CROT: variants seen among roughly 807,000 people sequenced by gnomAD.
CROT encodes peroxisomal carnitine O-octanoyltransferase.
In CROT, 84 loss-of-function variants were observed where a neutral mutation model predicts 89.2. The observed-to-expected ratio is 0.94, with a 90% CI of 0.79 to 1.13. The LOEUF (loss-of-function observed/expected upper bound fraction) is 1.13. Among genes scored for constraint, CROT ranks in the 50% most tolerant of loss-of-function variants. The pLI, the probability that CROT is intolerant of heterozygous loss-of-function variation, is 0.00. For missense variants in CROT, 711 were observed against 727.8 expected (o/e 0.98, Z 0.27); for synonymous variants, 212 against 239.5 (o/e 0.89, Z 1.06).
intron 2 of CROT, among the ~76,000 whole-genome samples, chr7:87,347,854 A>T (rs1805740246): frequency 6.6e-6 from 1 of 152,170 alleles, no homozygotes; most frequent in African/African-American, 2.4e-5. Context: ...GGGAGAACAC[A>T]TGCATTCCTT....
At chr7:87,392,692 A>C in intron 15 of CROT, 38 bp from the exon 16 acceptor site, 1 of 1,611,048 alleles carries the variant, frequency 6.2e-7, no homozygotes, top group Non-Finnish European at 8.5e-7. Context: ...CATGGTGAAA[A>C]ATTTTTTTCT....
At position 87,379,213 on chromosome 7, in the gene CROT, C is replaced by T. The variant is rs1256013871; in HGVS notation, c.978+1763C>T. 2.6e-5 allele frequency among the ~76,000 whole-genome samples: 4 copies of T among 152,174 alleles called. No homozygotes were observed. The South Asian group carries it at 6.2e-4, about 24-fold the overall frequency. On this transcript the variant is annotated intron_variant, in intron 10 of 17. Coordinates refer to ENST00000331536, the MANE Select transcript of CROT (RefSeq NM_021151.4). The stretch of plus-strand genomic sequence containing the variant: ...CTCTGCATACATATTTTGACACTGC[C>T]TCTTTCCTCTTAACAGTATTTTCCT...
intron 10 of CROT, among the ~76,000 whole-genome samples, chr7:87,378,346 CAAA>C (rs33929613): frequency 2.3e-5 from 3 of 132,880 alleles, no homozygotes; most frequent in Non-Finnish European, 1.6e-5. Flanking sequence ...ACTCCGACTC[CAAA>C]AAAAAAAAAA....
intron 17 of CROT, among the ~76,000 whole-genome samples, chr7:87,394,491 A>C (rs1313478721): frequency 6.6e-6 from 1 of 151,958 alleles, no homozygotes; most frequent in African/African-American, 2.4e-5. Context: ...AGTATCATAG[A>C]TTGAGATCTG....
In CROT at chr7:87,398,602, T is replaced by G. The variant is rs751014356; in HGVS notation, c.1797T>G (p.Ala599=). Residue 599 remains alanine (A), a synonymous_variant, in exon 18 of 18, where the codon GCT becomes GCG. Transcript: ENST00000331536. ...AEKLVQLTFC[A]FHDMIQLMNS... ...AGCTAGTTCAGCTGACTTTTTGTGC[T>G]TTTCATGATATGATACAGCTGATGA... 9.3e-6 allele frequency: 15 copies of G among 1,613,790 alleles called. No individual in the cohort carries two copies. Among genetic ancestry groups the G allele is most frequent in the South Asian group, 4.4e-5 (4 of 91,082 alleles).
intron 6 of CROT, among the ~76,000 whole-genome samples, chr7:87,368,091 C>T (rs955794592): frequency 4.6e-5 from 7 of 152,248 alleles, no homozygotes; most frequent in East Asian, 1.9e-4. Flanking sequence ...TTCTCTGTGC[C>T]GCAGCTGCAC....
chr7:87,391,799 T>C, intron 14 of CROT, 87 bp downstream of exon 14: 1 of 1,318,404 alleles, frequency 7.6e-7, no homozygotes, highest in East Asian at 2.6e-5. Context: ...CTTCTTTGCT[T>C]CAGTTTTCCT....
intron 7 of CROT, among the ~76,000 whole-genome samples, chr7:87,370,325 G>A (rs1806592294): frequency 6.6e-6 from 1 of 152,064 alleles, no homozygotes; most frequent in Non-Finnish European, 1.5e-5. Context: ...TAGGATTATA[G>A]GTGCGCACCA....
intron 3 of CROT, among the ~76,000 whole-genome samples, chr7:87,354,198 G>T (rs1258995668): frequency 6.6e-6 from 1 of 152,174 alleles, no homozygotes; most frequent in Non-Finnish European, 1.5e-5. Flanking sequence ...GTTACATGAT[G>T]TAAAAACCTT....
chr7:87,398,341 T>C, intron 17 of CROT, 183 bp from the exon 18 acceptor site: 1 of 731,278 alleles, frequency 1.4e-6, no homozygotes, highest in Non-Finnish European at 2.4e-6. Flanking sequence ...ATGAATGAGG[T>C]GTTTCTTAGC....
At chr7:87,380,395 G>GCCTATTTTATAAACCTGAAGTCAAC (rs780945012) in intron 10 of CROT, among the ~76,000 whole-genome samples, 8 of 151,350 alleles carry the variant, frequency 5.3e-5, no homozygotes, top group East Asian at 3.9e-4. Context: ...TAGATCCTTG[G>GCCTATTTTATAAACCTGAAGTCAAC]TAAGTACTGT....
At chr7:87,351,609 A>G (rs1204024988) in intron 3 of CROT, among the ~76,000 whole-genome samples, 2 of 152,152 alleles carry the variant, frequency 1.3e-5, no homozygotes, top group Non-Finnish European at 2.9e-5. Context: ...CTTTTTTTGA[A>G]GAGAAGCCAC....
At chr7:87,366,358 GA>G (rs144234576) in intron 6 of CROT, among the ~76,000 whole-genome samples, 73 of 149,000 alleles carry the variant, frequency 4.9e-4, no homozygotes, top group South Asian at 2.1e-4. Context: ...CCTTTTTGGG[GA>G]AAAAAAAATG....
At chr7:87,361,212 C>G (rs1288741304) in intron 4 of CROT, among the ~76,000 whole-genome samples, 178 bp from the exon 5 acceptor site, 2 of 152,114 alleles carry the variant, frequency 1.3e-5, no homozygotes, top group Admixed American at 6.6e-5. Context: ...ATCCTCCCAC[C>G]TTGGCCTCCC....
In CROT at chr7:87,393,069, T is replaced by G. The variant is rs765261137; in HGVS notation, c.1718+2T>G. ...TTTCTACCATATCAGAGATGACAGGTGAGGCTTCTCTTTTTTATTCTTTCT... is the reference window on the plus strand; with the variant it reads ...TTTCTACCATATCAGAGATGACAGGGGAGGCTTCTCTTTTTTATTCTTTCT... On this transcript the variant is annotated splice_donor_variant, in intron 17 of 17. Coordinates refer to ENST00000331536, the MANE Select transcript of CROT (RefSeq NM_021151.4). LOFTEE classifies it high-confidence loss of function. 3 of 1,611,484 alleles carry G rather than the reference T, an allele frequency of 1.9e-6. No homozygotes were observed. Among genetic ancestry groups the G allele is most frequent in the Admixed American group, 3.4e-5 (2 of 59,550 alleles).
intron 3 of CROT, among the ~76,000 whole-genome samples, chr7:87,356,371 A>G (rs1188688307): frequency 6.6e-6 from 1 of 152,078 alleles, no homozygotes; most frequent in Non-Finnish European, 1.5e-5. Flanking sequence ...GCCTTTTCAC[A>G]TTTTGTTTTT....
At chr7:87,378,337 C>T (rs564654014) in intron 10 of CROT, among the ~76,000 whole-genome samples, 134 of 106,048 alleles carry the variant, frequency 1.3e-3, no homozygotes, top group African/African-American at 4.5e-3. Flanking sequence ...CAGACTGAGA[C>T]TCCGACTCCA....
At chr7:87,355,347 G>C (rs2115812898) in intron 3 of CROT, among the ~76,000 whole-genome samples, 1 of 152,114 alleles carries the variant, frequency 6.6e-6, no homozygotes, top group Non-Finnish European at 1.5e-5. Flanking sequence ...CAATCCACCT[G>C]CCTTGGCCTC....
intron 13 of CROT, among the ~76,000 whole-genome samples, chr7:87,386,792 A>G (rs1273389531): frequency 6.6e-6 from 1 of 152,114 alleles, no homozygotes; most frequent in Non-Finnish European, 1.5e-5. Flanking sequence ...TTTGGCTGAG[A>G]TGAAGAGTGA....
Sources: allele counts gnomAD v4.1 joint callset (sites outside exome capture counted in the v4.1 genomes callset), GRCh38; gene constraint gnomAD v4.1.1; transcripts MANE v1.5; gene names NCBI Gene and HGNC (gene_info 2026-07-23, HGNC 2026-07-21).